Variants in TMEM132B observed in about 807,000 individuals in gnomAD.
TMEM132B encodes the protein transmembrane protein 132B.
A neutral mutation model predicts 90.8 loss-of-function variants in TMEM132B; 18 were observed. That is an observed-to-expected ratio of 0.20 (90% CI 0.14 to 0.29). The LOEUF (loss-of-function observed/expected upper bound fraction) is 0.29, where lower values mean the gene tolerates loss of function less well. Ranked by LOEUF, TMEM132B falls within the 10% of genes least tolerant of loss-of-function variation. The pLI is 1.00. For missense variants in TMEM132B, 1,096 were observed against 1,326.8 expected, an observed-to-expected ratio of 0.83 and a Z score of 2.70; for synonymous variants, 504 against 523.3, an observed-to-expected ratio of 0.96 and a Z score of 0.50.
chr12:125,510,459 G>A (rs990229582), intron 3 of TMEM132B, among the ~76,000 whole-genome samples: 7 of 152,182 alleles, frequency 4.6e-5, no homozygotes, highest in Non-Finnish European at 7.3e-5. Context: ...GGAGTCAGAT[G>A]GAGAGGTTTT....
chr12:125,272,596 C>T (rs752329403), intron 1 of TMEM132B, among the ~76,000 whole-genome samples: 136 of 152,104 alleles, frequency 8.9e-4, no homozygotes, highest in Non-Finnish European at 1.6e-3. Context: ...CTCGAGTTGG[C>T]ACCACATCCA....
chr12:125,255,543 C>T (rs568579284), intron 1 of TMEM132B, among the ~76,000 whole-genome samples: 6 of 152,250 alleles, frequency 3.9e-5, no homozygotes, highest in African/African-American at 1.4e-4. Flanking sequence ...AAAAATTGCT[C>T]CCTTGGGTTC....
At chr12:125,228,257 C>T (rs1340550925) in intron 1 of TMEM132B, among the ~76,000 whole-genome samples, 2 of 152,196 alleles carry the variant, frequency 1.3e-5, no homozygotes, top group African/African-American at 4.8e-5. Flanking sequence ...GGCCAGAATT[C>T]CCTTGGCCTC....
At chr12:125,305,826 G>A (rs1029606201) in intron 1 of TMEM132B, among the ~76,000 whole-genome samples, 1 of 152,172 alleles carries the variant, frequency 6.6e-6, no homozygotes, top group Non-Finnish European at 1.5e-5. Flanking sequence ...GGCTGACGTT[G>A]AGTTTCCATC....
chr12:125,212,896 T>C (rs953032876), intron 1 of TMEM132B, among the ~76,000 whole-genome samples: 11 of 152,156 alleles, frequency 7.2e-5, no homozygotes, highest in Admixed American at 5.9e-4. Flanking sequence ...ACTGTTTCAC[T>C]TCATTTTTTT....
At position 125,609,343 on chromosome 12, in the gene TMEM132B, G is replaced by A. The variant is rs115326893; in HGVS notation, c.1437+25349G>A. On this transcript the variant is annotated intron_variant, in intron 5 of 8. Coordinates refer to ENST00000682704, the MANE Select transcript of TMEM132B (RefSeq NM_001366854.1). ...ATTTAGAAAGTTTTGAAATCAGAAA[G>A]TATGAGTTTCAACTTTGTTCTTTTT... 7.9e-3 allele frequency among the ~76,000 whole-genome samples: 1,205 copies of A among 152,258 alleles called. 23 individuals carry two copies. Among genetic ancestry groups the A allele is most frequent in the African/African-American group, 0.028 (1,164 of 41,554 alleles).
intron 4 of TMEM132B, among the ~76,000 whole-genome samples, chr12:125,559,964 C>T (rs533824881): frequency 6.6e-6 from 1 of 152,344 alleles, no homozygotes; most frequent in African/African-American, 2.4e-5. Context: ...ACTGAGAACC[C>T]ATGGCCCTAA....
chr12:125,201,177 A>AG (rs1175659959), intron 1 of TMEM132B, among the ~76,000 whole-genome samples: 1 of 151,968 alleles, frequency 6.6e-6, no homozygotes, highest in East Asian at 1.9e-4. Flanking sequence ...TGCATATTTC[A>AG]GGGGGAAAAG....
intron 4 of TMEM132B, among the ~76,000 whole-genome samples, chr12:125,526,178 A>G (rs1883453624): frequency 6.6e-6 from 1 of 152,118 alleles, no homozygotes; most frequent in African/African-American, 2.4e-5. Flanking sequence ...GCCTTGTGAC[A>G]CAGTAAAACT....
At chr12:125,462,489 A>G (rs1458841330) in intron 3 of TMEM132B, among the ~76,000 whole-genome samples, 3 of 152,178 alleles carry the variant, frequency 2.0e-5, no homozygotes, top group Non-Finnish European at 4.4e-5. Context: ...ATGCCATGAA[A>G]AAGAGAAATA....
At chr12:125,552,190 G>A (rs1884245322) in intron 4 of TMEM132B, among the ~76,000 whole-genome samples, 5 of 152,148 alleles carry the variant, frequency 3.3e-5, no homozygotes, top group Admixed American at 3.3e-4. Flanking sequence ...ATTAGATCGT[G>A]GCCCTGTATT....
chr12:125,457,519 G>A (rs116900090), intron 3 of TMEM132B, among the ~76,000 whole-genome samples: 257 of 152,276 alleles, frequency 1.7e-3, no homozygotes, highest in Non-Finnish European at 2.8e-3. Context: ...CCCTTGCAGG[G>A]GCCTCTAGGG....
chr12:125,443,659 A>C (rs1158710699), intron 3 of TMEM132B, among the ~76,000 whole-genome samples: 1 of 152,230 alleles, frequency 6.6e-6, no homozygotes, highest in Non-Finnish European at 1.5e-5. Context: ...ATTTATCTTA[A>C]ATTGAAATGG....
intron 3 of TMEM132B, among the ~76,000 whole-genome samples, chr12:125,423,509 G>T (rs1487087504): frequency 6.6e-6 from 1 of 152,162 alleles, no homozygotes; most frequent in Non-Finnish European, 1.5e-5. Flanking sequence ...AAAAGCCCAG[G>T]CCTGCAGGAG....
At chr12:125,314,024 C>T (rs949507698) in intron 1 of TMEM132B, among the ~76,000 whole-genome samples, 1 of 151,976 alleles carries the variant, frequency 6.6e-6, no homozygotes, top group African/African-American at 2.4e-5. Context: ...AATCATCATC[C>T]CCAGGATCAG....
chr12:125,231,985 T>C (rs1873836883), intron 1 of TMEM132B, among the ~76,000 whole-genome samples: 1 of 152,122 alleles, frequency 6.6e-6, no homozygotes, highest in Non-Finnish European at 1.5e-5. Context: ...GGTGTGTGTG[T>C]TTTTTAAAAA....
At chr12:125,336,232 G>C (rs572993074) in intron 1 of TMEM132B, among the ~76,000 whole-genome samples, 1 of 152,268 alleles carries the variant, frequency 6.6e-6, no homozygotes, top group East Asian at 1.9e-4. Flanking sequence ...TTATGTAAGT[G>C]CACTTGGACA....
chr12:125,293,829 C>G (rs1214066605), intron 1 of TMEM132B, among the ~76,000 whole-genome samples: 3 of 152,174 alleles, frequency 2.0e-5, no homozygotes, highest in African/African-American at 7.2e-5. Context: ...TCCCCTCCCC[C>G]TGAATTGGGG....
At chr12:125,635,656 C>G (rs1224378895) in intron 5 of TMEM132B, among the ~76,000 whole-genome samples, 1 of 152,144 alleles carries the variant, frequency 6.6e-6, no homozygotes, top group Non-Finnish European at 1.5e-5. Flanking sequence ...GGTATGTACC[C>G]AGTAATGGGA....
Sources: allele counts gnomAD v4.1 joint callset (sites outside exome capture counted in the v4.1 genomes callset), GRCh38; gene constraint gnomAD v4.1.1; transcripts MANE v1.5; gene names NCBI Gene and HGNC (gene_info 2026-07-23, HGNC 2026-07-21).